Variants in MARK4 observed in about 807,000 individuals in gnomAD.
The protein encoded by MARK4 is MAP/microtubule affinity-regulating kinase 4.
Under a neutral mutation model 81.5 loss-of-function variants are expected in MARK4, and 19 were observed. The ratio of observed to expected loss-of-function variants is 0.23; its 90% CI spans 0.16 to 0.34. MARK4 has a LOEUF of 0.34. Ranked by LOEUF, MARK4 falls within the 10% of genes least tolerant of loss-of-function variation. The pLI is 1.00. For missense variants in MARK4, 772 were observed against 1,058.8 expected (o/e 0.73, Z 3.76); for synonymous variants, 436 against 439.0 (o/e 0.99, Z 0.08).
At position 45,294,366 on chromosome 19, in the gene MARK4, C is replaced by G. The variant is rs963161094; in HGVS notation, c.1512C>G (p.Ser504Arg). 11 of 1,614,038 alleles carry G rather than the reference C, an allele frequency of 6.8e-6. No homozygotes were observed. The highest frequency in any genetic ancestry group is 9.3e-6 in the Non-Finnish European group (11 of 1,180,024). ...STSTPNNLPP[S>R]MMTRRNTYVC... ...TCCTGCAGAACAACCTCCCTCCTAGCATGATGACCCGCAGAAACACCTACG... is the reference window on the plus strand; with the variant it reads ...TCCTGCAGAACAACCTCCCTCCTAGGATGATGACCCGCAGAAACACCTACG... The change falls in exon 14 of 17, where the codon AGC becomes AGG. Residue 504 changes from serine to arginine, a missense_variant. Coordinates refer to ENST00000262891, the MANE Select transcript of MARK4 (RefSeq NM_001199867.2).
chr19:45,271,775 A>C lies in MARK4; in HGVS notation c.786+67A>C. The C allele has an allele frequency of 7.8e-6, 11 of 1,404,878 alleles. No homozygotes were observed. Among genetic ancestry groups the C allele is most frequent in the Non-Finnish European group, 1.1e-5 (11 of 1,017,648 alleles). 87.0% of individuals were successfully genotyped at this position (1,404,878 alleles called of 1,614,324 possible). A position where few individuals can be genotyped will look rare whatever the true frequency, so the allele number is the denominator to read the frequency against. On this transcript the variant is annotated intron_variant, in intron 8 of 16. Transcript: ENST00000262891. This position sits in a 1 kb window ranked among gnomAD's most constrained non-coding sequence, Gnocchi z 4.1. ...ACAGTCAGGCCCCTATCCCCCCCAC[A>C]CCTCCCCTGCAGAGGGCCTCAGTGG...
intron 1 of MARK4, among the ~76,000 whole-genome samples, chr19:45,251,976 T>C (rs1315737445): frequency 6.7e-6 from 1 of 148,660 alleles, no homozygotes; most frequent in Non-Finnish European, 1.5e-5. Context: ...CTCCAGGCCG[T>C]CCGCGTCCGA....
intron 1 of MARK4, among the ~76,000 whole-genome samples, chr19:45,255,179 G>C (rs575469215): frequency 2.6e-5 from 4 of 151,652 alleles, no homozygotes; most frequent in Admixed American, 2.6e-4. Flanking sequence ...CTTCAGCCTG[G>C]GTAACAGAGC....
In MARK4 at chr19:45,302,938, C is replaced by G; in HGVS notation, c.*228C>G. 2 of 665,218 alleles carry G rather than the reference C, an allele frequency of 3.0e-6. No individual in the cohort carries two copies. Among genetic ancestry groups the G allele is most frequent in the South Asian group, 3.9e-5 (2 of 50,742 alleles). 41.2% of individuals were successfully genotyped at this position (665,218 alleles called of 1,614,324 possible). A position where few individuals can be genotyped will look rare whatever the true frequency, so the allele number is the denominator to read the frequency against. ...CTGGCACCTTCCTGGAGCCTCCAGC[C>G]AGTCCTGTCCTCCCTCGCCCTACCA... On this transcript the variant is annotated 3_prime_UTR_variant, in exon 17 of 17. Transcript: ENST00000262891. This position sits in a 1 kb window ranked among gnomAD's most constrained non-coding sequence, Gnocchi z 4.9.
chr19:45,251,719 G>T, intron 1 of MARK4, 80 bp downstream of exon 1: 1 of 1,328,468 alleles, frequency 7.5e-7, no homozygotes, highest in Non-Finnish European at 1.0e-6. Flanking sequence ...CCCTCGCCCC[G>T]CGAGCCCCTA....
chr19:45,252,997 C>T lies in MARK4; in HGVS notation c.51+1358C>T, dbSNP rs114643765. On this transcript the variant is annotated intron_variant, in intron 1 of 16. Coordinates refer to ENST00000262891, the MANE Select transcript of MARK4 (RefSeq NM_001199867.2). ...ACTTTCCACCATTCCCAGGCGCCCC[C>T]TGCCCCTACACTGCTTCCCAGAGAG... Among the ~76,000 whole-genome samples, 641 of 152,148 alleles carry T rather than the reference C, an allele frequency of 4.2e-3. 5 individuals are homozygous for T. Among genetic ancestry groups the T allele is most frequent in the African/African-American group, 0.014 (599 of 41,478 alleles).
At chr19:45,296,325 T>C (rs1970886541) in intron 14 of MARK4, among the ~76,000 whole-genome samples, 1 of 152,188 alleles carries the variant, frequency 6.6e-6, no homozygotes, top group African/African-American at 2.4e-5. Flanking sequence ...GTAATTTAAA[T>C]AAAAAGGACG....
rs1970631015 is a variant in MARK4, at chr19:45,278,526, A to G, written c.917A>G (p.Lys306Arg). Residue 306 changes from lysine (K) to arginine (R), a missense_variant, in exon 10 of 17, where the codon AAA (lysine) becomes AGA (arginine). Transcript: ENST00000262891. ...TCCTGATGCCTGCAGCAAATCATGA[A>G]AGACAAATGGATCAACATCGGCTAT... The part of the protein sequence containing the change: ...AKRCTLEQIM[K>R]DKWINIGYEG... 3 of 1,613,888 alleles carry G rather than the reference A, an allele frequency of 1.9e-6. No homozygotes were observed. The highest frequency in any genetic ancestry group is 1.7e-5 in the Admixed American group (1 of 59,976).
At chr19:45,298,057 T>G in intron 15 of MARK4, 103 bp downstream of exon 15, 1 of 1,102,234 alleles carries the variant, frequency 9.1e-7, no homozygotes, top group Non-Finnish European at 1.2e-6. Flanking sequence ...CATTTCCTCT[T>G]CCTCCTCCTC....
In MARK4 at chr19:45,271,953, T is replaced by C. The variant is rs1215585932; in HGVS notation, c.786+245T>C. Among the ~76,000 whole-genome samples, 1 of 152,240 alleles carries C rather than the reference T, an allele frequency of 6.6e-6. No homozygotes were observed. Among genetic ancestry groups the C allele is most frequent in the Admixed American group, 6.5e-5 (1 of 15,282 alleles). On this transcript the variant is annotated intron_variant, in intron 8 of 16. Coordinates refer to ENST00000262891, the MANE Select transcript of MARK4 (RefSeq NM_001199867.2). This position sits in a 1 kb window ranked among gnomAD's most constrained non-coding sequence, Gnocchi z 4.1. ...TTGAGTTCAAATCCTGACTCATCCG[T>C]TCACTGAGCTAATATTTATGGCCCA...
intron 12 of MARK4, among the ~76,000 whole-genome samples, chr19:45,282,949 G>A (rs770596253): frequency 1.1e-4 from 17 of 152,044 alleles, no homozygotes; most frequent in African/African-American, 3.1e-4. Flanking sequence ...CCGTGATCGC[G>A]CCACTGTACT....
chr19:45,266,303 A>G (rs1226085112), intron 7 of MARK4, 22 bp downstream of exon 7: 1 of 1,612,278 alleles, frequency 6.2e-7, no homozygotes, highest in South Asian at 1.1e-5. Flanking sequence ...ACCCGCTGTG[A>G]TCTCAGGGAC....
chr19:45,278,741 C>A (rs1316850430), intron 10 of MARK4, 126 bp downstream of exon 10: 1 of 697,408 alleles, frequency 1.4e-6, no homozygotes, highest in Non-Finnish European at 2.4e-6. Context: ...GTAGCTGGGA[C>A]CACAGGCGCC....
chr19:45,269,954 A>G (rs1970503904), intron 7 of MARK4, among the ~76,000 whole-genome samples: 1 of 151,978 alleles, frequency 6.6e-6, no homozygotes, highest in East Asian at 1.9e-4. Flanking sequence ...CAGCCTCCCA[A>G]GTTGCTGGGA....
intron 7 of MARK4, among the ~76,000 whole-genome samples, chr19:45,270,090 A>G (rs139571052): frequency 0.011 from 1,649 of 152,242 alleles, 34 homozygotes; most frequent in African/African-American, 0.037. Flanking sequence ...GGCCTCCCAA[A>G]GTGCTGAGAT....
intron 3 of MARK4, 51 bp downstream of exon 3, chr19:45,263,217 G>T (rs374738548): frequency 1.4e-5 from 22 of 1,613,156 alleles, no homozygotes; most frequent in East Asian, 2.2e-5. Flanking sequence ...CGGCACAGCC[G>T]GGTGACCCAC....
chr19:45,269,177 G>C (rs181247641), intron 7 of MARK4, among the ~76,000 whole-genome samples: 7 of 152,218 alleles, frequency 4.6e-5, no homozygotes, highest in Non-Finnish European at 1.0e-4. Context: ...TCAGGAGTTC[G>C]AGACCAGCCT....
chr19:45,252,076 T>C (rs962872107), intron 1 of MARK4, among the ~76,000 whole-genome samples: 2 of 152,028 alleles, frequency 1.3e-5, no homozygotes, highest in African/African-American at 4.8e-5. Flanking sequence ...GTCCTGCCTC[T>C]GGCTCCGGCC....
intron 2 of MARK4, among the ~76,000 whole-genome samples, chr19:45,261,890 G>A (rs754267945): frequency 2.7e-5 from 4 of 150,566 alleles, no homozygotes; most frequent in African/African-American, 7.3e-5. Context: ...CCAAGATTGC[G>A]CCATTGCACT....
Sources: allele counts gnomAD v4.1 joint callset (sites outside exome capture counted in the v4.1 genomes callset), GRCh38; gene constraint gnomAD v4.1.1; non-coding constraint Gnocchi (gnomAD v3.1); transcripts MANE v1.5; gene names NCBI Gene and HGNC (gene_info 2026-07-23, HGNC 2026-07-21).